Variants in KCNMB4 observed in about 807,000 individuals in gnomAD.
KCNMB4 encodes calcium-activated potassium channel subunit beta-4.
In KCNMB4, 3 loss-of-function variants were observed where a neutral mutation model predicts 20.7. The ratio of observed to expected loss-of-function variants is 0.14; its 90% CI spans 0.07 to 0.37. KCNMB4 has a LOEUF of 0.37. Ranked by LOEUF, KCNMB4 falls within the 10% of genes least tolerant of loss-of-function variation. The probability of loss-of-function intolerance (pLI) is 1.00; values close to 1 mark genes in which losing one functional copy is unlikely to be tolerated. For missense variants in KCNMB4, 168 were observed against 265.9 expected (o/e 0.63, Z 2.56); for synonymous variants, 110 against 113.4 (o/e 0.97, Z 0.19).
chr12:70,407,313 C>A (rs981840758), intron 2 of KCNMB4, among the ~76,000 whole-genome samples: 1 of 152,012 alleles, frequency 6.6e-6, no homozygotes, highest in African/African-American at 2.4e-5. Flanking sequence ...GATGTATGCA[C>A]CAACCCAGGA....
chr12:70,396,289 C>T (rs959659903), intron 1 of KCNMB4, among the ~76,000 whole-genome samples: 2 of 152,144 alleles, frequency 1.3e-5, no homozygotes, highest in African/African-American at 4.8e-5. Flanking sequence ...TTTCCATTTG[C>T]CATTGGGACC....
intron 2 of KCNMB4, among the ~76,000 whole-genome samples, chr12:70,417,173 AACG>A (rs1868933694): frequency 6.6e-6 from 1 of 152,354 alleles, no homozygotes; most frequent in African/African-American, 2.4e-5. Flanking sequence ...ATCAGACTTT[AACG>A]ACAATTTCCT....
intron 1 of KCNMB4, among the ~76,000 whole-genome samples, chr12:70,396,286 T>G (rs539772927): frequency 6.6e-6 from 1 of 152,256 alleles, no homozygotes; most frequent in East Asian, 1.9e-4. Context: ...GCTTTTCCAT[T>G]TGCCATTGGG....
chr12:70,371,011 C>T (rs1025468580), intron 1 of KCNMB4, among the ~76,000 whole-genome samples: 1 of 152,150 alleles, frequency 6.6e-6, no homozygotes, highest in Non-Finnish European at 1.5e-5. Context: ...CATGTGCTAC[C>T]ACACCCAGCT....
At chr12:70,422,950 C>G in intron 2 of KCNMB4, 1 of 600,536 alleles carries the variant, frequency 1.7e-6, no homozygotes, top group Non-Finnish European at 2.2e-6. Context: ...ACAATTACTT[C>G]ACTGGGCTGC....
At position 70,430,560 on chromosome 12, in the gene KCNMB4, A is replaced by G. The variant is rs748675514; in HGVS notation, c.540A>G (p.Thr180=). The G allele has an allele frequency of 7.4e-6, 12 of 1,613,892 alleles. No individual in the cohort carries two copies. Among genetic ancestry groups the G allele is most frequent in the African/African-American group, 2.7e-5 (2 of 74,914 alleles). The part of the protein sequence containing the change: ...LLHCFLWPLV[T]FVVGVLIVVL... ...ATTGCTTCCTCTGGCCCCTGGTGACATTTGTGGTGGGCGTTCTCATTGTGG... is the reference window on the plus strand; with the variant it reads ...ATTGCTTCCTCTGGCCCCTGGTGACGTTTGTGGTGGGCGTTCTCATTGTGG... Residue 180 remains threonine (T), a synonymous_variant, in exon 3 of 3, where the codon ACA becomes ACG. Coordinates refer to ENST00000258111, the MANE Select transcript of KCNMB4 (RefSeq NM_014505.6).
intron 1 of KCNMB4, among the ~76,000 whole-genome samples, chr12:70,382,322 A>G (rs1045295003): frequency 2.0e-5 from 3 of 150,362 alleles, no homozygotes; most frequent in Non-Finnish European, 4.4e-5. Flanking sequence ...AGTCCCAGCT[A>G]CTCTGGAGGC....
intron 1 of KCNMB4, among the ~76,000 whole-genome samples, chr12:70,390,661 A>G (rs1228412653): frequency 1.3e-5 from 2 of 152,222 alleles, no homozygotes; most frequent in African/African-American, 2.4e-5. Flanking sequence ...GAAAGCTGGC[A>G]GGTTCTGGGT....
intron 2 of KCNMB4, among the ~76,000 whole-genome samples, chr12:70,421,730 C>T (rs142898694): frequency 0.072 from 10,976 of 151,632 alleles, 597 homozygotes; most frequent in East Asian, 0.24. Flanking sequence ...TACAGGTGGC[C>T]GCCACCACAC....
At chr12:70,392,424 T>A (rs1291668304) in intron 1 of KCNMB4, among the ~76,000 whole-genome samples, 1 of 152,184 alleles carries the variant, frequency 6.6e-6, no homozygotes, top group Non-Finnish European at 1.5e-5. Context: ...TGGTGATTCC[T>A]CAAGGATCTA....
At chr12:70,374,749 A>G (rs544750949) in intron 1 of KCNMB4, among the ~76,000 whole-genome samples, 4 of 152,288 alleles carry the variant, frequency 2.6e-5, no homozygotes, top group African/African-American at 7.2e-5. Context: ...AAAAATATCT[A>G]GACTTGCTTT....
intron 1 of KCNMB4, among the ~76,000 whole-genome samples, chr12:70,373,041 A>G (rs936081245): frequency 2.6e-5 from 4 of 152,116 alleles, no homozygotes; most frequent in Admixed American, 1.3e-4. Context: ...TGTGTGTGGA[A>G]CACAGGGCAC....
chr12:70,428,163 A>C (rs1869262875), intron 2 of KCNMB4, among the ~76,000 whole-genome samples: 2 of 151,894 alleles, frequency 1.3e-5, no homozygotes, highest in Admixed American at 6.6e-5. Context: ...GTCTACAGGC[A>C]TGTAGTTTTT....
intron 2 of KCNMB4, among the ~76,000 whole-genome samples, chr12:70,408,439 T>G (rs985904943): frequency 6.6e-6 from 1 of 152,212 alleles, no homozygotes; most frequent in Non-Finnish European, 1.5e-5. Flanking sequence ...TAGTCCAGTT[T>G]TGACTTTCAA....
chr12:70,380,776 G>A (rs1654959), intron 1 of KCNMB4, among the ~76,000 whole-genome samples: 66,470 of 151,982 alleles, frequency 0.44, 16,554 homozygotes, highest in African/African-American at 0.67. Flanking sequence ...CACATGCCAA[G>A]GAATGAAGTT....
At chr12:70,368,031 C>G (rs1350193419) in intron 1 of KCNMB4, among the ~76,000 whole-genome samples, 1 of 152,120 alleles carries the variant, frequency 6.6e-6, no homozygotes, top group Non-Finnish European at 1.5e-5. Context: ...GGTTCTGGTT[C>G]CGTTTCTACT....
chr12:70,421,021 C>T (rs1224083919), intron 2 of KCNMB4, among the ~76,000 whole-genome samples: 1 of 149,382 alleles, frequency 6.7e-6, no homozygotes, highest in East Asian at 2.0e-4. Flanking sequence ...CACTGCACTC[C>T]AGCCTGGGCG....
At chr12:70,412,771 A>G (rs10879135) in intron 2 of KCNMB4, among the ~76,000 whole-genome samples, 40,600 of 151,882 alleles carry the variant, frequency 0.27, 5,534 homozygotes, top group East Asian at 0.37. Context: ...TTCCAGAGGA[A>G]AATTTTGTTG....
At chr12:70,422,719 A>AC in intron 2 of KCNMB4, 1 of 1,289,080 alleles carries the variant, frequency 7.8e-7, no homozygotes, top group Non-Finnish European at 1.0e-6. Flanking sequence ...CTTGATGATT[A>AC]CCCCTCTTTA....
Sources: allele counts gnomAD v4.1 joint callset (sites outside exome capture counted in the v4.1 genomes callset), GRCh38; gene constraint gnomAD v4.1.1; transcripts MANE v1.5; gene names NCBI Gene and HGNC (gene_info 2026-07-23, HGNC 2026-07-21).